Variants in PHACTR1 observed in about 807,000 individuals in gnomAD.
PHACTR1 encodes the protein RPEL repeat containing 1.
Under a neutral mutation model 69.2 loss-of-function variants are expected in PHACTR1, and 16 were observed. The observed-to-expected ratio is 0.23, with a 90% CI of 0.16 to 0.35. The LOEUF (loss-of-function observed/expected upper bound fraction) is 0.35. PHACTR1 is among the 10% of genes least tolerant of loss of function. The pLI is 1.00. For synonymous variants in PHACTR1, 312 were observed against 284.5 expected, an observed-to-expected ratio of 1.10 and a Z score of -0.97; for missense variants, 510 against 734.7, an observed-to-expected ratio of 0.69 and a Z score of 3.54.
intron 10 of PHACTR1, among the ~76,000 whole-genome samples, chr6:13,238,541 A>G (rs986629496): frequency 7.2e-5 from 11 of 152,250 alleles, no homozygotes; most frequent in African/African-American, 2.7e-4. Flanking sequence ...TGTACCAAGG[A>G]TTATGCGCTG....
chr6:12,957,424 T>A, intron 4 of PHACTR1: 4 of 985,458 alleles, frequency 4.1e-6, no homozygotes, highest in Non-Finnish European at 4.8e-6. Flanking sequence ...ATCCCCGGGT[T>A]ACTTTCTGTT....
At chr6:12,722,366 T>A (rs1271400478) in intron 3 of PHACTR1, among the ~76,000 whole-genome samples, 1 of 152,222 alleles carries the variant, frequency 6.6e-6, no homozygotes, top group Non-Finnish European at 1.5e-5. Flanking sequence ...TACAAACTCA[T>A]AAAGTTCCAG....
At chr6:13,175,254 CTG>C (rs1761161867) in intron 6 of PHACTR1, among the ~76,000 whole-genome samples, 2 of 152,222 alleles carry the variant, frequency 1.3e-5, no homozygotes, top group African/African-American at 4.8e-5. Flanking sequence ...AAATGCTGTG[CTG>C]TGTTAGCTCA....
chr6:13,059,922 G>C (rs1807428264), intron 5 of PHACTR1, among the ~76,000 whole-genome samples: 1 of 152,070 alleles, frequency 6.6e-6, no homozygotes, highest in African/African-American at 2.4e-5. Flanking sequence ...GTGATGACTA[G>C]ATGTAAGATT....
At chr6:12,886,119 C>T (rs562483210) in intron 4 of PHACTR1, among the ~76,000 whole-genome samples, 2 of 151,884 alleles carry the variant, frequency 1.3e-5, no homozygotes, top group Admixed American at 6.6e-5. Flanking sequence ...AAACAGAAAA[C>T]AAAACAAAAA....
Position 12,855,314 on chromosome 6 carries a change from T to C in PHACTR1, c.250+105524T>C, listed in dbSNP as rs1301267024. ...CCAGGAGTTTGAGACTAGCTGGATG[T>C]GGTGGTGCATGTCTGTAGTTCCAGC... On this transcript the variant is annotated intron_variant, in intron 4 of 14. Transcript: ENST00000332995. Among the ~76,000 whole-genome samples the C allele has an allele frequency of 3.3e-5, 5 of 152,216 alleles. No individual in the cohort carries two copies. In the East Asian group the frequency reaches 9.7e-4, roughly 29 times the overall value.
At chr6:13,028,938 G>T (rs115312861) in intron 4 of PHACTR1, among the ~76,000 whole-genome samples, 304 of 152,282 alleles carry the variant, frequency 2.0e-3, no homozygotes, top group African/African-American at 7.1e-3. Context: ...AATGCTAAGT[G>T]GGGGGAATAA....
chr6:13,130,316 C>A (rs1398712927), intron 5 of PHACTR1, among the ~76,000 whole-genome samples: 1 of 151,544 alleles, frequency 6.6e-6, no homozygotes, highest in Non-Finnish European at 1.5e-5. Flanking sequence ...AAGGTCAGAG[C>A]AGAACTAAAT....
Position 12,932,934 on chromosome 6 carries a change from CTTTT to C in PHACTR1, c.251-120415_251-120412del, listed in dbSNP as rs35209150. On this transcript the variant is annotated intron_variant, in intron 4 of 14. Coordinates refer to ENST00000332995, the MANE Select transcript of PHACTR1 (RefSeq NM_030948.6). The stretch of plus-strand genomic sequence containing the variant: ...AGCCAGCATTTAATTTATTCCAAAT[CTTTT>C]TTTTTTTTTTTTTTTGAGATTGAGT... 1.8e-3 allele frequency among the ~76,000 whole-genome samples: 229 copies of C among 124,154 alleles called. 1 individual carries two copies. Among genetic ancestry groups the C allele is most frequent in the African/African-American group, 6.1e-3 (212 of 34,730 alleles). The allele number at this position is 124,154 out of a possible 152,430, so 81.4% of individuals were successfully genotyped here. A position where few individuals can be genotyped will look rare whatever the true frequency, so the allele number is the denominator to read the frequency against.
At chr6:13,160,600 C>T (rs1758849893) in intron 6 of PHACTR1, among the ~76,000 whole-genome samples, 1 of 152,170 alleles carries the variant, frequency 6.6e-6, no homozygotes, top group Admixed American at 6.5e-5. Context: ...TACACACGAC[C>T]AGGGTGCAGT....
intron 4 of PHACTR1, among the ~76,000 whole-genome samples, chr6:13,035,002 A>G (rs1389406026): frequency 6.6e-6 from 1 of 152,234 alleles, no homozygotes; most frequent in East Asian, 1.9e-4. Context: ...ACCAGATCTC[A>G]GGCAATTTCT....
chr6:13,089,827 A>G (rs1812931293), intron 5 of PHACTR1, among the ~76,000 whole-genome samples: 1 of 152,140 alleles, frequency 6.6e-6, no homozygotes, highest in Non-Finnish European at 1.5e-5. Context: ...ACCACAGTGG[A>G]ACAAACTGGT....
At chr6:12,866,874 C>A (rs1312902329) in intron 4 of PHACTR1, among the ~76,000 whole-genome samples, 2 of 152,264 alleles carry the variant, frequency 1.3e-5, no homozygotes, top group South Asian at 2.1e-4. Flanking sequence ...GCTGTTGAAC[C>A]GAAACAAAGC....
At chr6:13,146,350 T>G (rs939722301) in intron 5 of PHACTR1, among the ~76,000 whole-genome samples, 4 of 152,250 alleles carry the variant, frequency 2.6e-5, no homozygotes, top group Non-Finnish European at 5.9e-5. Context: ...TGCATAGTTA[T>G]GATTTTTTAA....
intron 7 of PHACTR1, among the ~76,000 whole-genome samples, chr6:13,184,588 ACT>A (rs1462039773): frequency 6.6e-6 from 1 of 151,050 alleles, no homozygotes; most frequent in South Asian, 2.1e-4. Context: ...TCCCGCCTCC[ACT>A]CTCTCTCTTC....
intron 10 of PHACTR1, among the ~76,000 whole-genome samples, chr6:13,237,085 A>G (rs2127360466): frequency 6.6e-6 from 1 of 152,328 alleles, no homozygotes; most frequent in Admixed American, 6.5e-5. Context: ...CAATTTTTTT[A>G]GACTTTATAG....
At chr6:13,042,631 G>A (rs1038736473) in intron 4 of PHACTR1, among the ~76,000 whole-genome samples, 3 of 152,180 alleles carry the variant, frequency 2.0e-5, no homozygotes, top group South Asian at 4.1e-4. Context: ...ACAGTTGAGA[G>A]CCTCCAAAAC....
intron 4 of PHACTR1, among the ~76,000 whole-genome samples, chr6:12,971,732 TA>T (rs1246899019): frequency 6.6e-6 from 1 of 152,210 alleles, no homozygotes; most frequent in Admixed American, 6.5e-5. Flanking sequence ...GCAAATATGC[TA>T]AAAAATACCC....
At position 12,899,189 on chromosome 6, in the gene PHACTR1, T is replaced by C. The variant is rs74855310; in HGVS notation, c.250+149399T>C. On this transcript the variant is annotated intron_variant, in intron 4 of 14. Transcript: ENST00000332995. ...CACTTTAATAGGGCTGTACCTTCCTTACAGGAGGGGCCAAATCTTATTCAT... is the reference window on the plus strand; with the variant it reads ...CACTTTAATAGGGCTGTACCTTCCTCACAGGAGGGGCCAAATCTTATTCAT... Among the ~76,000 whole-genome samples the C allele has an allele frequency of 7.8e-3, 1,184 of 152,278 alleles. 18 individuals carry two copies. Among genetic ancestry groups the C allele is most frequent in the African/African-American group, 0.027 (1,110 of 41,560 alleles).
Sources: allele counts gnomAD v4.1 joint callset (sites outside exome capture counted in the v4.1 genomes callset), GRCh38; gene constraint gnomAD v4.1.1; transcripts MANE v1.5; gene names NCBI Gene and HGNC (gene_info 2026-07-23, HGNC 2026-07-21).